The following ADGRF5 variants were observed in gnomAD, a reference collection of about 807,000 sequenced individuals.
The protein encoded by ADGRF5 is adhesion G protein-coupled receptor F5.
A neutral mutation model predicts 132.3 loss-of-function variants in ADGRF5; 75 were observed. The ratio of observed to expected loss-of-function variants is 0.57; its 90% CI spans 0.47 to 0.69. The LOEUF (loss-of-function observed/expected upper bound fraction) is 0.69. ADGRF5 is among the 30% of genes least tolerant of loss of function. The pLI is 0.00. For missense variants in ADGRF5, 1,516 were observed against 1,630.6 expected, an observed-to-expected ratio of 0.93 and a Z score of 1.21; for synonymous variants, 629 against 597.6, an observed-to-expected ratio of 1.05 and a Z score of -0.77.
chr6:46,953,040 T>C (rs1186451471), intron 1 of ADGRF5, among the ~76,000 whole-genome samples: 1 of 152,072 alleles, frequency 6.6e-6, no homozygotes, highest in East Asian at 1.9e-4. Flanking sequence ...ATTCAAATAT[T>C]AGGGAAATGC....
At position 46,937,221 on chromosome 6, in the gene ADGRF5, A is replaced by AGTGTGT. The variant is rs10558166; in HGVS notation, c.-25+17507_-25+17512dup. ...ATGAAGCAAGGTACAGGCAATAAGG[A>AGTGTGT]GTGTGTGTGTGTGTGTGTGTGTGTG... On this transcript the variant is annotated intron_variant, in intron 1 of 20. Transcript: ENST00000265417. Among the ~76,000 whole-genome samples, 1,289 of 146,790 alleles carry AGTGTGT rather than the reference A, an allele frequency of 8.8e-3. 18 individuals carry two copies. Among genetic ancestry groups the AGTGTGT allele is most frequent in the African/African-American group, 0.025 (972 of 39,618 alleles).
At position 46,856,010 on chromosome 6, in the gene ADGRF5, T is replaced by C. The variant is rs768817038; in HGVS notation, c.3925A>G (p.Ile1309Val). Residue 1309 changes from isoleucine to valine, a missense_variant, in exon 20 of 21, where the codon ATA becomes GTA. By Grantham distance (29) the Ile-to-Val change is conservative. This residue lies in a region of ADGRF5 where 571 missense variants were observed against 701.2 expected (regional missense o/e 0.81). Coordinates refer to ENST00000283296, the MANE Select transcript of ADGRF5 (RefSeq NM_001098518.2). ...AACAAATTGTTAAATCTCCTTGATA[T>C]TGGAGAACTCATAGAAAACACAGGT... ...STPVFSMSSPISRRFNNLFGK... is the reference protein window; with the variant it reads ...STPVFSMSSPVSRRFNNLFGK... 7 of 1,602,496 alleles carry C rather than the reference T, an allele frequency of 4.4e-6. No homozygotes were observed. The South Asian group carries it at 6.6e-5, about 15-fold the overall frequency.
rs536221623 is a variant in ADGRF5 at position 46,869,967 on chromosome 6, A to G, written c.1412-875T>C. On this transcript the variant is annotated intron_variant, in intron 11 of 20. Transcript: ENST00000283296. ...AATAAGACTATTACAAATATAAAAT[A>G]TAAATATAAAAGCTTATATGAGCTT... is the stretch of plus-strand genomic sequence containing the variant. 9.7e-4 allele frequency among the ~76,000 whole-genome samples: 147 copies of G among 152,150 alleles called. 2 individuals are homozygous for G. In the South Asian group the frequency reaches 0.03, roughly 31 times the overall value.
chr6:46,928,946 G>C (rs1777395190), intron 1 of ADGRF5, among the ~76,000 whole-genome samples: 1 of 152,116 alleles, frequency 6.6e-6, no homozygotes, highest in Non-Finnish European at 1.5e-5. Flanking sequence ...ATTCCTCAGG[G>C]ATCTAGAACT....
intron 2 of ADGRF5, among the ~76,000 whole-genome samples, chr6:46,900,565 C>A (rs1344781491): frequency 6.6e-6 from 1 of 152,040 alleles, no homozygotes; most frequent in African/African-American, 2.4e-5. Flanking sequence ...ATTTTTTCTA[C>A]ATCTGATCCT....
intron 11 of ADGRF5, among the ~76,000 whole-genome samples, chr6:46,870,389 G>A (rs980102220): frequency 2.0e-5 from 3 of 152,006 alleles, no homozygotes; most frequent in Non-Finnish European, 2.9e-5. Context: ...GAAACTCCTA[G>A]CCTTAAGCCA....
intron 17 of ADGRF5, among the ~76,000 whole-genome samples, 162 bp downstream of exon 17, chr6:46,857,967 T>G (rs1769252120): frequency 6.6e-6 from 1 of 152,208 alleles, no homozygotes; most frequent in Admixed American, 6.5e-5. Context: ...CAGAAGAATG[T>G]GTCCTTTCCA....
At chr6:46,942,373 C>G (rs777971361) in intron 1 of ADGRF5, among the ~76,000 whole-genome samples, 13 of 152,214 alleles carry the variant, frequency 8.5e-5, no homozygotes, top group Non-Finnish European at 1.9e-4. Context: ...ATGAATGAAT[C>G]CCTAACGCAG....
intron 1 of ADGRF5, among the ~76,000 whole-genome samples, chr6:46,953,649 GTGTATATATATA>G (rs1180115348): frequency 0.019 from 1,698 of 91,448 alleles, 97 homozygotes; most frequent in African/African-American, 0.056. Context: ...ATAGATATAT[GTGTATATATATA>G]TATATATATA....
chr6:46,935,974 G>A (rs984318881), intron 1 of ADGRF5, among the ~76,000 whole-genome samples: 3 of 152,204 alleles, frequency 2.0e-5, no homozygotes, highest in East Asian at 1.9e-4. Flanking sequence ...TCAGGAATGC[G>A]GAATGAATGG....
chr6:46,906,624 G>T, intron 2 of ADGRF5, 37 bp downstream of exon 2: 2 of 1,089,504 alleles, frequency 1.8e-6, no homozygotes, highest in South Asian at 1.3e-5. Context: ...AGAAAAATGT[G>T]ACAAGAAAAA....
chr6:46,877,289 T>TC (rs1554200472), intron 10 of ADGRF5, among the ~76,000 whole-genome samples: 2 of 68,068 alleles, frequency 2.9e-5, no homozygotes, highest in Admixed American at 1.4e-4. Context: ...CTTTCTTTCT[T>TC]TCTCTCTCTC....
intron 1 of ADGRF5, among the ~76,000 whole-genome samples, chr6:46,952,569 G>T (rs189347914): frequency 5.3e-5 from 8 of 152,336 alleles, no homozygotes; most frequent in Non-Finnish European, 7.3e-5. Context: ...GTGAGTAAAT[G>T]AATCCAGCAA....
rs539101755 is a variant in ADGRF5 at position 46,950,629 on chromosome 6, C to T, written c.-25+4105G>A. ...TCCCGGGTTCAAGCAATTCTCCTGC[C>T]TCAGCCTCCTGAGTAGCTGGGACTA... On this transcript the variant is annotated intron_variant, in intron 1 of 20. Coordinates refer to the ADGRF5 transcript ENST00000265417. 2.6e-5 allele frequency among the ~76,000 whole-genome samples: 4 copies of T among 152,314 alleles called. No homozygotes were observed. The South Asian group carries it at 8.3e-4, about 32-fold the overall frequency.
intron 13 of ADGRF5, among the ~76,000 whole-genome samples, chr6:46,865,790 T>C (rs1426250333): frequency 6.6e-6 from 1 of 152,226 alleles, no homozygotes; most frequent in African/African-American, 2.4e-5. Context: ...ACTTCTACTG[T>C]TTTTTTAGTC....
intron 16 of ADGRF5, among the ~76,000 whole-genome samples, chr6:46,860,184 G>C (rs1005224142): frequency 1.3e-5 from 2 of 152,086 alleles, no homozygotes; most frequent in Non-Finnish European, 2.9e-5. Flanking sequence ...TTTTTCCTAG[G>C]GGGTGATAAT....
At chr6:46,860,404 C>G (rs1440139849) in intron 16 of ADGRF5, among the ~76,000 whole-genome samples, 1 of 152,158 alleles carries the variant, frequency 6.6e-6, no homozygotes, top group East Asian at 1.9e-4. Context: ...AGTGCTAGAC[C>G]TTTGAGAATA....
At chr6:46,899,532 G>A (rs115468761) in intron 3 of ADGRF5, among the ~76,000 whole-genome samples, 4,622 of 152,286 alleles carry the variant, frequency 0.03, 235 homozygotes, top group African/African-American at 0.1. Context: ...CCAAAGGGCT[G>A]AGTCTTGTAT....
At chr6:46,881,320 G>T (rs11760108) in intron 8 of ADGRF5, 135 bp downstream of exon 8, 68,959 of 689,558 alleles carry the variant, frequency 0.1, 3,856 homozygotes, top group Non-Finnish European at 0.12. Context: ...GGCATAAGAG[G>T]AGGAGGTGGT....
Sources: allele counts gnomAD v4.1 joint callset (sites outside exome capture counted in the v4.1 genomes callset), GRCh38; gene constraint gnomAD v4.1.1; regional missense constraint gnomAD v4.1.1; transcripts MANE v1.5; gene names NCBI Gene and HGNC (gene_info 2026-07-23, HGNC 2026-07-21).